The following MAP2K4 variants were observed in gnomAD, a reference collection of about 807,000 sequenced individuals.
MAP2K4 encodes dual specificity mitogen-activated protein kinase kinase 4.
MAP2K4 carries 4 observed loss-of-function variants against 48.5 expected under a neutral mutation model. The ratio of observed to expected loss-of-function variants is 0.08; its 90% confidence interval spans 0.04 to 0.19. MAP2K4 has a LOEUF of 0.19. Among genes scored for constraint, MAP2K4 ranks in the 10% least tolerant of loss-of-function variants. MAP2K4 has a pLI of 1.00. For synonymous variants in MAP2K4, 166 were observed against 173.1 expected (o/e 0.96, Z 0.32); for missense variants, 258 against 493.3 (o/e 0.52, Z 4.52).
At chr17:12,023,103 G>A (rs1297569499) in intron 1 of MAP2K4, among the ~76,000 whole-genome samples, 4 of 152,118 alleles carry the variant, frequency 2.6e-5, no homozygotes, top group Non-Finnish European at 5.9e-5. Flanking sequence ...AATTATTGCC[G>A]AATTTTCTTT....
intron 1 of MAP2K4, among the ~76,000 whole-genome samples, chr17:12,034,825 G>C (rs1969543821): frequency 6.6e-6 from 1 of 152,198 alleles, no homozygotes; most frequent in Non-Finnish European, 1.5e-5. Flanking sequence ...AGGGTGCTGA[G>C]AGTCTCATGA....
intron 1 of MAP2K4, among the ~76,000 whole-genome samples, chr17:12,049,168 C>A (rs1371578415): frequency 6.6e-6 from 1 of 152,192 alleles, no homozygotes; most frequent in Non-Finnish European, 1.5e-5. Context: ...TCCAGGTAAT[C>A]TTTCTGTTTT....
intron 1 of MAP2K4, among the ~76,000 whole-genome samples, chr17:12,044,845 G>C (rs1969909597): frequency 1.3e-5 from 2 of 152,162 alleles, no homozygotes; most frequent in South Asian, 4.1e-4. Flanking sequence ...ACCCTCCTTT[G>C]GGGTTAATTA....
intron 1 of MAP2K4, among the ~76,000 whole-genome samples, chr17:12,029,553 C>T (rs1488886323): frequency 1.3e-5 from 2 of 152,040 alleles, no homozygotes; most frequent in Admixed American, 6.6e-5. Flanking sequence ...TAACTATCAA[C>T]AGGTTCAACG....
At chr17:12,130,968 T>G (rs1392781332) in intron 9 of MAP2K4, among the ~76,000 whole-genome samples, 1 of 152,188 alleles carries the variant, frequency 6.6e-6, no homozygotes, top group Non-Finnish European at 1.5e-5. Context: ...CAGGGTGATA[T>G]TGACCCTAAG....
At chr17:12,119,516 G>A (rs1972608988) in intron 7 of MAP2K4, among the ~76,000 whole-genome samples, 1 of 152,334 alleles carries the variant, frequency 6.6e-6, no homozygotes, top group African/African-American at 2.4e-5. Context: ...GGAGAAAAGG[G>A]AATACTTATA....
At chr17:12,053,068 G>A (rs1027975842) in intron 1 of MAP2K4, among the ~76,000 whole-genome samples, 2 of 152,106 alleles carry the variant, frequency 1.3e-5, no homozygotes, top group Admixed American at 6.5e-5. Flanking sequence ...AAAACTCTGA[G>A]TATTATCCAG....
chr17:12,079,334 C>G (rs1477875333), intron 2 of MAP2K4, among the ~76,000 whole-genome samples: 3 of 152,104 alleles, frequency 2.0e-5, no homozygotes, highest in Non-Finnish European at 4.4e-5. Flanking sequence ...AATATTGTAA[C>G]TGTTTTCATT....
At chr17:12,130,510 G>A (rs898885203) in intron 9 of MAP2K4, among the ~76,000 whole-genome samples, 5 of 152,146 alleles carry the variant, frequency 3.3e-5, no homozygotes, top group Non-Finnish European at 7.4e-5. Context: ...ATGATCACCT[G>A]TGAACCTTCC....
At chr17:12,049,405 A>G (rs940234915) in intron 1 of MAP2K4, among the ~76,000 whole-genome samples, 1 of 152,214 alleles carries the variant, frequency 6.6e-6, no homozygotes, top group Non-Finnish European at 1.5e-5. Flanking sequence ...GGATTGATTC[A>G]GATTGCTTTT....
At chr17:12,021,734 GAAAAAAAAAA>G (rs896882494) in intron 1 of MAP2K4, among the ~76,000 whole-genome samples, 5 of 99,984 alleles carry the variant, frequency 5.0e-5, no homozygotes, top group South Asian at 3.5e-4. Context: ...CGTGCAGGAA[GAAAAAAAAAA>G]AAAAAAAAAA....
chr17:12,095,841 ATTAAC>A (rs1156704815), intron 4 of MAP2K4, 147 bp downstream of exon 4: 18 of 1,026,842 alleles, frequency 1.8e-5, no homozygotes, highest in African/African-American at 4.8e-5. Flanking sequence ...TAATTTACAT[ATTAAC>A]TTCTGACTCT....
chr17:12,067,581 A>G (rs1274943410), intron 2 of MAP2K4, among the ~76,000 whole-genome samples: 3 of 152,180 alleles, frequency 2.0e-5, no homozygotes, highest in Non-Finnish European at 1.5e-5. Flanking sequence ...GAGCTGCAGA[A>G]GTCAGATATA....
chr17:12,086,826 T>TTTTTGTTTTGTTTTG (rs61021597), intron 3 of MAP2K4, among the ~76,000 whole-genome samples: 78 of 150,258 alleles, frequency 5.2e-4, no homozygotes, highest in African/African-American at 1.7e-3. Context: ...AAAAACCTGT[T>TTTTTGTTTTGTTTTG]TTTTGTTTTG....
At position 12,132,953 on chromosome 17, in the gene MAP2K4, C is replaced by T. The variant is rs527889062; in HGVS notation, c.1040+3666C>T. Among the ~76,000 whole-genome samples the T allele has an allele frequency of 9.9e-5, 15 of 152,196 alleles. No homozygotes were observed. In the East Asian group the frequency reaches 2.5e-3, roughly 25 times the overall value. ...TCAGCAAGTGTTGCACAGTGAATTT[C>T]GACATGGCATTCTGGAGATGTATAG... is the stretch of plus-strand genomic sequence containing the variant. On this transcript the variant is annotated intron_variant, in intron 9 of 10. Transcript: ENST00000353533.
chr17:12,027,112 C>T (rs961783235), intron 1 of MAP2K4: 1 of 152,150 alleles, frequency 6.6e-6, no homozygotes, highest in Non-Finnish European at 1.5e-5. Flanking sequence ...TAGCTGTTTC[C>T]TCCCAACTCT....
At chr17:12,138,859 G>C (rs1014440462) in intron 9 of MAP2K4, among the ~76,000 whole-genome samples, 1 of 152,112 alleles carries the variant, frequency 6.6e-6, no homozygotes, top group African/African-American at 2.4e-5. Context: ...TGAGGGTCTT[G>C]GATTTTTATT....
Position 12,097,507 on chromosome 17 carries a change from TTGGAG to T in MAP2K4, c.513+1817_513+1821del, listed in dbSNP as rs1432316465. On this transcript the variant is annotated intron_variant, in intron 4 of 10. Coordinates refer to ENST00000353533, the MANE Select transcript of MAP2K4 (RefSeq NM_003010.4). ...AGATGTGGAAACAAAGCACGGAAGC[TTGGAG>T]TGGTGTCTGAACAATATTCCCATGG... Among the ~76,000 whole-genome samples, 4 of 152,210 alleles carry T rather than the reference TTGGAG, an allele frequency of 2.6e-5. No individual in the cohort carries two copies. The East Asian group carries it at 7.7e-4, about 29-fold the overall frequency.
At chr17:12,053,675 T>C (rs976244) in intron 1 of MAP2K4, among the ~76,000 whole-genome samples, 25,552 of 151,916 alleles carry the variant, frequency 0.17, 2,524 homozygotes, top group South Asian at 0.3. Context: ...TGAAAATGGA[T>C]GTGTTTGGTC....
Sources: gnomAD v4.1 joint callset for allele counts (sites outside exome capture counted in the v4.1 genomes callset) on GRCh38, gnomAD v4.1.1 for gene constraint, MANE v1.5 for transcripts, NCBI Gene and HGNC (gene_info 2026-07-23, HGNC 2026-07-21) for gene names.